SGCZ: variants seen among roughly 807,000 people sequenced by gnomAD.
The protein encoded by SGCZ is sarcoglycan zeta.
SGCZ carries 40 observed loss-of-function variants against 41.3 expected under a neutral mutation model. The ratio of observed to expected loss-of-function variants is 0.97; its 90% CI spans 0.75 to 1.26. The LOEUF (loss-of-function observed/expected upper bound fraction) is 1.26, where lower values mean the gene tolerates loss of function less well. Ranked by LOEUF, SGCZ falls within the 50% of genes most tolerant of loss-of-function variation. SGCZ has a pLI of 0.00. For synonymous variants in SGCZ, 206 were observed against 137.5 expected (o/e 1.50, Z -3.49); for missense variants, 552 against 369.8 (o/e 1.49, Z -4.04).
intron 1 of SGCZ, among the ~76,000 whole-genome samples, chr8:15,151,378 T>G (rs73527028): frequency 0.019 from 2,936 of 152,334 alleles, 74 homozygotes; most frequent in African/African-American, 0.065. Context: ...TCATTTGATA[T>G]GCTACAATAG....
chr8:15,096,945 A>G (rs1455211208), intron 1 of SGCZ, among the ~76,000 whole-genome samples: 1 of 152,070 alleles, frequency 6.6e-6, no homozygotes, highest in Non-Finnish European at 1.5e-5. Flanking sequence ...TCGGCCTCCC[A>G]AAGCAGTGGG....
intron 1 of SGCZ, among the ~76,000 whole-genome samples, chr8:14,673,530 T>C (rs1808177481): frequency 6.6e-6 from 1 of 152,032 alleles, no homozygotes; most frequent in Non-Finnish European, 1.5e-5. Context: ...TTCGCCATGA[T>C]TGTAAGTTTC....
chr8:15,177,007 A>C (rs2117077367), intron 1 of SGCZ, among the ~76,000 whole-genome samples: 1 of 152,352 alleles, frequency 6.6e-6, no homozygotes, highest in South Asian at 2.1e-4. Context: ...TTTCAAAAAA[A>C]AGAAAAAGAA....
chr8:14,257,257 G>A (rs944499331), intron 3 of SGCZ, among the ~76,000 whole-genome samples: 6 of 151,968 alleles, frequency 3.9e-5, no homozygotes, highest in Middle Eastern at 6.8e-3. Flanking sequence ...CTTGATCCCA[G>A]GAGGTTGAGG....
intron 2 of SGCZ, among the ~76,000 whole-genome samples, chr8:14,528,943 C>T (rs1803041640): frequency 6.6e-6 from 1 of 151,686 alleles, no homozygotes; most frequent in Non-Finnish European, 1.5e-5. Context: ...CTGCAATATC[C>T]TAATTTTACA....
chr8:14,102,832 C>CTAAAATTTTTAATAACTTACCAGT (rs1433485735), intron 6 of SGCZ, among the ~76,000 whole-genome samples: 3 of 152,040 alleles, frequency 2.0e-5, no homozygotes, highest in Non-Finnish European at 4.4e-5. Flanking sequence ...AGTATACTTG[C>CTAAAATTTTTAATAACTTACCAGT]TAAAATTTTT....
At chr8:14,462,185 G>C (rs1800919585) in intron 2 of SGCZ, among the ~76,000 whole-genome samples, 1 of 151,528 alleles carries the variant, frequency 6.6e-6, no homozygotes, top group Non-Finnish European at 1.5e-5. Flanking sequence ...ATAATAATTA[G>C]GATTTGACAT....
chr8:15,162,779 C>A (rs1799547406), intron 1 of SGCZ, among the ~76,000 whole-genome samples: 1 of 152,158 alleles, frequency 6.6e-6, no homozygotes, highest in South Asian at 2.1e-4. Context: ...TTTATAGCAT[C>A]TTACCTCTAA....
At chr8:14,839,202 T>C (rs577875220) in intron 1 of SGCZ, among the ~76,000 whole-genome samples, 1 of 151,856 alleles carries the variant, frequency 6.6e-6, no homozygotes, top group South Asian at 2.1e-4. Context: ...ATTTTGAAAG[T>C]AGAGATAAAA....
chr8:14,364,025 C>T (rs1803616714), intron 2 of SGCZ, among the ~76,000 whole-genome samples: 1 of 152,116 alleles, frequency 6.6e-6, no homozygotes, highest in Admixed American at 6.5e-5. Context: ...ATTATTTCCC[C>T]TTTTACCTAT....
intron 1 of SGCZ, among the ~76,000 whole-genome samples, chr8:14,836,343 G>T (rs1277695828): frequency 3.9e-5 from 6 of 152,102 alleles, no homozygotes; most frequent in Non-Finnish European, 7.4e-5. Context: ...AGATTATTGG[G>T]AGAATATTTA....
chr8:15,211,092 G>A (rs1223465931), intron 1 of SGCZ, among the ~76,000 whole-genome samples: 1 of 150,354 alleles, frequency 6.7e-6, no homozygotes, highest in African/African-American at 2.4e-5. Context: ...TATAGATATA[G>A]ATATATATAG....
At chr8:14,380,567 A>T (rs76012863) in intron 2 of SGCZ, among the ~76,000 whole-genome samples, 6 of 152,106 alleles carry the variant, frequency 3.9e-5, no homozygotes, top group African/African-American at 1.2e-4. Context: ...GAATTGTGCA[A>T]TGTAGGCCAG....
At chr8:14,200,993 G>A (rs187444505) in intron 4 of SGCZ, among the ~76,000 whole-genome samples, 8 of 152,166 alleles carry the variant, frequency 5.3e-5, no homozygotes, top group African/African-American at 1.7e-4. Context: ...AACAGATATT[G>A]CATTAAAAGA....
chr8:14,902,986 T>C (rs565160363), intron 1 of SGCZ, among the ~76,000 whole-genome samples: 3 of 152,300 alleles, frequency 2.0e-5, no homozygotes, highest in South Asian at 2.1e-4. Context: ...ACTGGAAATA[T>C]GTTTAAAGTA....
chr8:14,931,844 C>T (rs1585389656), intron 1 of SGCZ, among the ~76,000 whole-genome samples: 1 of 151,834 alleles, frequency 6.6e-6, no homozygotes, highest in African/African-American at 2.4e-5. Context: ...CTTTTTGTTT[C>T]TTGTTATTTA....
At chr8:15,032,219 C>T (rs1018062172) in intron 1 of SGCZ, among the ~76,000 whole-genome samples, 1 of 152,046 alleles carries the variant, frequency 6.6e-6, no homozygotes, top group African/African-American at 2.4e-5. Flanking sequence ...ACTATCCATA[C>T]ACAAAAAATG....
intron 1 of SGCZ, among the ~76,000 whole-genome samples, chr8:14,749,395 G>A (rs1799433041): frequency 6.6e-6 from 1 of 152,084 alleles, no homozygotes; most frequent in Non-Finnish European, 1.5e-5. Context: ...GTTCTAGAAC[G>A]AACATTCCAC....
At chr8:14,374,602 G>A (rs1225481569) in intron 2 of SGCZ, among the ~76,000 whole-genome samples, 1 of 152,074 alleles carries the variant, frequency 6.6e-6, no homozygotes, top group Non-Finnish European at 1.5e-5. Flanking sequence ...AGTTGAACAC[G>A]AAAAGCCTAT....
Sources: allele counts gnomAD v4.1 joint callset (sites outside exome capture counted in the v4.1 genomes callset), GRCh38; gene constraint gnomAD v4.1.1; transcripts MANE v1.5; gene names NCBI Gene and HGNC (gene_info 2026-07-23, HGNC 2026-07-21).